The following SLC1A3 variants were observed in gnomAD, a reference collection of about 807,000 sequenced individuals.
SLC1A3 encodes solute carrier family 1 member 3.
In SLC1A3, 21 loss-of-function variants were observed where a neutral mutation model predicts 48.1. That is an observed-to-expected ratio of 0.44 (90% CI 0.31 to 0.63). The LOEUF (loss-of-function observed/expected upper bound fraction) is 0.63. Among genes scored for constraint, SLC1A3 ranks in the 20% least tolerant of loss-of-function variants. SLC1A3 has a pLI of 0.08. For synonymous variants in SLC1A3, 239 were observed against 251.4 expected (o/e 0.95, Z 0.47); for missense variants, 546 against 689.0 (o/e 0.79, Z 2.32).
intron 9 of SLC1A3, among the ~76,000 whole-genome samples, chr5:36,685,501 C>T (rs771123342): frequency 3.3e-5 from 5 of 152,192 alleles, no homozygotes; most frequent in Admixed American, 6.5e-5. Flanking sequence ...GTCTCGAACT[C>T]CTGACCTCAG....
At chr5:36,656,129 T>C (rs1295433625) in intron 3 of SLC1A3, among the ~76,000 whole-genome samples, 1 of 152,226 alleles carries the variant, frequency 6.6e-6, no homozygotes, top group Non-Finnish European at 1.5e-5. Flanking sequence ...CTTTTTAATT[T>C]TACCTGCCAT....
Position 36,680,506 on chromosome 5 carries a change from T to C in SLC1A3, c.1206T>C (p.Thr402=), listed in dbSNP as rs1742396554. ...PVGATINMDG[T]ALYEALAAIF... ...GAGCCACCATTAACATGGATGGGAC[T>C]GCCCTCTATGAGGCTTTGGCTGCCA... Residue 402 remains threonine, a synonymous_variant, in exon 8 of 10, where the codon ACT becomes ACC. Transcript: ENST00000265113. 4 of 1,614,088 alleles carry C rather than the reference T, an allele frequency of 2.5e-6. No individual in the cohort carries two copies. The East Asian group carries it at 8.9e-5, about 36-fold the overall frequency.
chr5:36,650,123 G>A (rs575677092), intron 3 of SLC1A3, among the ~76,000 whole-genome samples: 6 of 151,394 alleles, frequency 4.0e-5, no homozygotes, highest in Admixed American at 2.6e-4. Flanking sequence ...GTGTAGAGGC[G>A]GGTGGGGAAA....
chr5:36,606,255 G>A (rs1738935389), upstream of SLC1A3: 1 of 152,246 alleles, frequency 6.6e-6, no homozygotes, highest in African/African-American at 2.4e-5. Flanking sequence ...CGTCTTCCCT[G>A]AAAGGGAGGA....
At chr5:36,664,950 C>T (rs1438472887) in intron 3 of SLC1A3, among the ~76,000 whole-genome samples, 1 of 152,094 alleles carries the variant, frequency 6.6e-6, no homozygotes, top group Non-Finnish European at 1.5e-5. Flanking sequence ...GGAAGTTTTC[C>T]AGCCTCCTGG....
intron 3 of SLC1A3, chr5:36,669,575 T>G (rs1038058984): frequency 2.0e-5 from 3 of 152,214 alleles, no homozygotes; most frequent in Admixed American, 2.0e-4. Context: ...GTTACTTAAC[T>G]GCTTTATAAT....
intron 9 of SLC1A3, among the ~76,000 whole-genome samples, chr5:36,685,837 A>T (rs2161608): frequency 0.045 from 6,812 of 152,250 alleles, 542 homozygotes; most frequent in African/African-American, 0.16. Context: ...CACTGTTGGG[A>T]CTCTCACTTC....
chr5:36,685,388 T>C (rs1331984481), intron 9 of SLC1A3, among the ~76,000 whole-genome samples: 1 of 152,182 alleles, frequency 6.6e-6, no homozygotes, highest in Non-Finnish European at 1.5e-5. Context: ...GTGATTCTCC[T>C]GCCTCAGCCT....
intron 8 of SLC1A3, among the ~76,000 whole-genome samples, chr5:36,680,998 G>T (rs1403672273): frequency 6.6e-6 from 1 of 152,006 alleles, no homozygotes; most frequent in Non-Finnish European, 1.5e-5. Context: ...CAAGAGGTGG[G>T]GATTTGGGGT....
chr5:36,598,627 A>C (rs1038264011), intron 1 of SLC1A3, among the ~76,000 whole-genome samples: 1 of 152,172 alleles, frequency 6.6e-6, no homozygotes, highest in Admixed American at 6.5e-5. Flanking sequence ...AAATAAGCAA[A>C]AATAAGCAAG....
intron 3 of SLC1A3, among the ~76,000 whole-genome samples, chr5:36,651,712 A>G (rs1365772920): frequency 1.3e-5 from 2 of 151,400 alleles, no homozygotes; most frequent in African/African-American, 4.9e-5. Flanking sequence ...GCCAGTCTCC[A>G]CCTCCTCCAG....
At chr5:36,614,008 G>A (rs541008163) in intron 2 of SLC1A3, among the ~76,000 whole-genome samples, 3 of 152,284 alleles carry the variant, frequency 2.0e-5, no homozygotes, top group South Asian at 2.1e-4. Flanking sequence ...CTACTGTGAC[G>A]GTGTAGCCCA....
At chr5:36,658,814 A>G (rs1484726463) in intron 3 of SLC1A3, among the ~76,000 whole-genome samples, 2 of 152,134 alleles carry the variant, frequency 1.3e-5, no homozygotes, top group Non-Finnish European at 2.9e-5. Context: ...TCCATGGTTG[A>G]GGTTTTTTTC....
chr5:36,670,440 T>C (rs1334909055), intron 3 of SLC1A3, among the ~76,000 whole-genome samples: 1 of 152,190 alleles, frequency 6.6e-6, no homozygotes, highest in Non-Finnish European at 1.5e-5. Context: ...ATGTCTACTT[T>C]AAATGCAAAT....
At chr5:36,655,375 A>G (rs377432289) in intron 3 of SLC1A3, among the ~76,000 whole-genome samples, 48 of 152,172 alleles carry the variant, frequency 3.2e-4, no homozygotes, top group African/African-American at 1.0e-3. Context: ...TGGCTTTGTC[A>G]CTAATTGTTA....
chr5:36,670,429 A>C (rs1481339232), intron 3 of SLC1A3, among the ~76,000 whole-genome samples: 1 of 152,208 alleles, frequency 6.6e-6, no homozygotes, highest in Non-Finnish European at 1.5e-5. Flanking sequence ...CTTATAAGCC[A>C]ATGTCTACTT....
At chr5:36,647,557 C>T (rs959146546) in intron 3 of SLC1A3, among the ~76,000 whole-genome samples, 1 of 152,216 alleles carries the variant, frequency 6.6e-6, no homozygotes, top group South Asian at 2.1e-4. Flanking sequence ...AGAGAGACCA[C>T]ATGTATTAAA....
chr5:36,643,206 C>T (rs528609038), intron 3 of SLC1A3, among the ~76,000 whole-genome samples: 63 of 152,282 alleles, frequency 4.1e-4, no homozygotes, highest in African/African-American at 1.4e-3. Flanking sequence ...TATGATAACT[C>T]TTCTTAGCCT....
intron 3 of SLC1A3, chr5:36,669,428 C>T (rs1478910661): frequency 6.6e-6 from 1 of 152,186 alleles, no homozygotes; most frequent in South Asian, 2.1e-4. Flanking sequence ...TGCATGGCAT[C>T]AAAGCCAAAG....
Sources: gnomAD v4.1 joint callset for allele counts (sites outside exome capture counted in the v4.1 genomes callset) on GRCh38, gnomAD v4.1.1 for gene constraint, MANE v1.5 for transcripts, NCBI Gene and HGNC (gene_info 2026-07-23, HGNC 2026-07-21) for gene names.